Variants in PNPLA7 observed in about 807,000 individuals in gnomAD.
The protein encoded by PNPLA7 is patatin-like phospholipase domain-containing protein 7.
Under a neutral mutation model 161.7 loss-of-function variants are expected in PNPLA7, and 153 were observed. The ratio of observed to expected loss-of-function variants is 0.95; its 90% CI spans 0.83 to 1.08. The LOEUF (loss-of-function observed/expected upper bound fraction) is 1.08. Ranked by LOEUF, PNPLA7 falls within the 50% of genes least tolerant of loss-of-function variation. PNPLA7 has a pLI of 0.00. For missense variants in PNPLA7, 1,739 were observed against 1,856.6 expected, an observed-to-expected ratio of 0.94 and a Z score of 1.16; for synonymous variants, 809 against 782.1, an observed-to-expected ratio of 1.03 and a Z score of -0.57.
chr9:137,469,500 C>T (rs962344277), intron 25 of PNPLA7, among the ~76,000 whole-genome samples: 1 of 152,122 alleles, frequency 6.6e-6, no homozygotes, highest in African/African-American at 2.4e-5. Context: ...TTGTCAAAAA[C>T]CCAAGGAAAG....
At position 137,515,388 on chromosome 9, in the gene PNPLA7, C is replaced by T. The variant is rs747043636; in HGVS notation, c.1216G>A (p.Ala406Thr). The T allele has an allele frequency of 3.1e-6, 5 of 1,603,750 alleles. No homozygotes were observed. In the South Asian group the frequency reaches 5.6e-5, roughly 18 times the overall value. The change falls in exon 12 of 35, where the codon GCC (alanine) becomes ACC (threonine). Residue 406 changes from alanine (A) to threonine (T), a missense_variant. Ala to Thr is a moderately conservative substitution (Grantham distance 58). Transcript: ENST00000406427. ...CGTCGAGGTTCTTTACCTTGTGGGG[C>T]CGAAGGGTCAGGGTCACCTGCCCCG... ...KPGAGDPDPS[A>T]PQGGPGSATS...
At position 137,497,215 on chromosome 9, in the gene PNPLA7, TC is replaced by T; in HGVS notation, c.1984del (p.Glu662SerfsTer14). On this transcript the variant is annotated frameshift_variant, in exon 18 of 35. Transcript: ENST00000406427. LOFTEE classifies it high-confidence loss of function. ...KDDGKKRLAG[E>X]YGRGDLVGVV... is the part of the protein sequence containing the mutation. The stretch of plus-strand genomic sequence containing the variant: ...GCCGACGAGGTCTCCTCGGCCGTAC[TC>T]CCCGGCCAGGCGCTTCTTCCCATCA... The T allele has an allele frequency of 1.3e-6, 2 of 1,587,314 alleles. No homozygotes were observed. The highest frequency in any genetic ancestry group is 1.8e-5 in the Admixed American group (1 of 56,934).
intron 14 of PNPLA7, among the ~76,000 whole-genome samples, chr9:137,504,487 C>T (rs985707652): frequency 6.6e-6 from 1 of 152,212 alleles, no homozygotes; most frequent in Non-Finnish European, 1.5e-5. Context: ...GCTAGGATTA[C>T]AGGCATGAGC....
intron 17 of PNPLA7, among the ~76,000 whole-genome samples, chr9:137,497,558 C>T (rs968474132): frequency 5.9e-5 from 9 of 152,354 alleles, no homozygotes; most frequent in South Asian, 2.1e-4. Context: ...GACGGAGTCT[C>T]GCTCTGTCGC....
At position 137,476,923 on chromosome 9, in the gene PNPLA7, C is replaced by T. The variant is rs1333758158; in HGVS notation, c.2882+1111G>A. On this transcript the variant is annotated intron_variant, in intron 25 of 34. Coordinates refer to ENST00000406427, the MANE Select transcript of PNPLA7 (RefSeq NM_001098537.3). The surrounding 1 kb of genome is among the most constrained non-coding windows in gnomAD (Gnocchi z 4.5). The stretch of plus-strand genomic sequence containing the variant: ...GAAGGATGCAGTGGGCACCTCATCA[C>T]CTAGAACAGCCCCAGGCTGACAGGG... Among the ~76,000 whole-genome samples, 2 of 152,236 alleles carry T rather than the reference C, an allele frequency of 1.3e-5. No homozygotes were observed. The highest frequency in any genetic ancestry group is 2.9e-5 in the Non-Finnish European group (2 of 68,046).
rs777465214 is a variant in PNPLA7, at chr9:137,543,410, C to T, written c.506+22G>A. ...GGGCTATGGGAGCTGCCGCAGCCCC[C>T]GGGGCTCATCCCCGCTCTTACCGAA... On this transcript the variant is annotated intron_variant, in intron 6 of 34. Transcript: ENST00000406427. The surrounding 1 kb of genome is among the most constrained non-coding windows in gnomAD (Gnocchi z 6.9). The T allele has an allele frequency of 1.5e-5, 24 of 1,613,628 alleles. 2 individuals carry two copies. In the South Asian group the frequency reaches 1.8e-4, roughly 12 times the overall value.
chr9:137,492,954 GGGGCTCCAGGACTGGGTGA>G, intron 20 of PNPLA7, 40 bp downstream of exon 20: 2 of 1,519,546 alleles, frequency 1.3e-6, no homozygotes, highest in Non-Finnish European at 1.8e-6. Flanking sequence ...CTGGGTGGGC[GGGGCTCCAGGACTGGGTGA>G]GGGCTCCCAG....
Position 137,497,289 on chromosome 9 carries a change from G to T in PNPLA7, c.1911C>A (p.Cys637Ter). Residue 637 changes from cysteine to a stop codon, truncating the protein, a stop_gained, in exon 18 of 35, where the codon TGC (cysteine) becomes TGA (stop). Transcript: ENST00000406427. LOFTEE classifies it high-confidence loss of function. ...GCCGGCCGCTGAGCATGATGTACGT[G>T]CAGTCGGACTTGTCCCCCTGCCTGC... ...AIYRQGDKSD[C>*]TYIMLSGRLR... 6.3e-7 allele frequency: 1 copy of T among 1,579,722 alleles called. No homozygotes were observed. The highest frequency in any genetic ancestry group is 1.8e-5 in the Admixed American group (1 of 56,006).
chr9:137,481,681 G>A (rs934558375), intron 21 of PNPLA7, among the ~76,000 whole-genome samples: 3 of 152,194 alleles, frequency 2.0e-5, no homozygotes, highest in South Asian at 2.1e-4. Context: ...GCTAGAGATC[G>A]GCTGGGCGCG....
In PNPLA7 at chr9:137,462,058, G is replaced by A. The variant is rs905096214; in HGVS notation, c.3646-17C>T. The A allele has an allele frequency of 1.9e-6, 3 of 1,561,478 alleles. No individual in the cohort carries two copies. The highest frequency in any genetic ancestry group is 1.7e-6 in the Non-Finnish European group (2 of 1,152,442). On this transcript the variant is annotated splice_polypyrimidine_tract_variant and intron_variant, in intron 31 of 34. Coordinates refer to ENST00000406427, the MANE Select transcript of PNPLA7 (RefSeq NM_001098537.3). The stretch of plus-strand genomic sequence containing the variant: ...GCCCACTTCCTGTGCACACCCCCAG[G>A]GCCCCGTCAGGAGGTGTGGGGAGCC...
In PNPLA7 at chr9:137,467,981, A is replaced by G. The variant is rs534270269; in HGVS notation, c.2883-508T>C. On this transcript the variant is annotated intron_variant, in intron 25 of 34. Transcript: ENST00000406427. The surrounding 1 kb of genome is among the most constrained non-coding windows in gnomAD (Gnocchi z 5.1). The stretch of plus-strand genomic sequence containing the variant: ...GAGGGACTGTGAGGCTGGGATGGGG[A>G]GGAAGGTGTCCTGAGAGTTGACCGG... 1.3e-5 allele frequency among the ~76,000 whole-genome samples: 2 copies of G among 152,102 alleles called. No individual in the cohort carries two copies. Among genetic ancestry groups the G allele is most frequent in the South Asian group, 4.2e-4 (2 of 4,804 alleles).
chr9:137,497,276 GCATGATGTACGTGCAGTCGGACTTGT>G lies in PNPLA7; in HGVS notation c.1898_1923del (p.Asp633AlafsTer13), dbSNP rs748511172. ...ATCACAGAGCGCAGCCGGCCGCTGA[GCATGATGTACGTGCAGTCGGACTTGT>G]CCCCCTGCCTGCGGAAGACACAGAG... On this transcript the variant is annotated frameshift_variant, in exon 18 of 35. Coordinates refer to ENST00000406427, the MANE Select transcript of PNPLA7 (RefSeq NM_001098537.3). LOFTEE classifies it high-confidence loss of function. 1.9e-6 allele frequency: 3 copies of G among 1,588,392 alleles called. No homozygotes were observed. The South Asian group carries it at 3.4e-5, about 18-fold the overall frequency.
At chr9:137,503,845 GAA>G (rs1833702151) in intron 14 of PNPLA7, among the ~76,000 whole-genome samples, 1 of 61,258 alleles carries the variant, frequency 1.6e-5, no homozygotes. Flanking sequence ...GCAAGAAGAA[GAA>G]GGAAGAAGAA....
chr9:137,525,149 G>A (rs1835235468), intron 8 of PNPLA7, among the ~76,000 whole-genome samples: 1 of 152,224 alleles, frequency 6.6e-6, no homozygotes, highest in South Asian at 2.1e-4. Flanking sequence ...CCACCTGCGG[G>A]GAGGGGAGGA....
intron 4 of PNPLA7, among the ~76,000 whole-genome samples, chr9:137,544,937 C>T (rs765645476): frequency 2.7e-4 from 41 of 152,254 alleles, no homozygotes; most frequent in African/African-American, 7.9e-4. Context: ...CGTGAGCCAC[C>T]GTGCCCGGCC....
chr9:137,527,008 C>T (rs1429344953), intron 8 of PNPLA7, among the ~76,000 whole-genome samples: 1 of 152,090 alleles, frequency 6.6e-6, no homozygotes, highest in Non-Finnish European at 1.5e-5. Flanking sequence ...GTGGCTCATG[C>T]CTGTGGTCCC....
At position 137,467,627 on chromosome 9, in the gene PNPLA7, C is replaced by T. The variant is rs748624182; in HGVS notation, c.2883-154G>A. Among the ~76,000 whole-genome samples the T allele has an allele frequency of 2.6e-5, 4 of 152,234 alleles. No homozygotes were observed. Among genetic ancestry groups the T allele is most frequent in the East Asian group, 1.9e-4 (1 of 5,196 alleles). On this transcript the variant is annotated intron_variant, in intron 25 of 34. Transcript: ENST00000406427. The surrounding 1 kb of genome is among the most constrained non-coding windows in gnomAD (Gnocchi z 5.1). ...AGATGCAGTTTAAAACCCCTCTTTC[C>T]GGGCTCACGCCTGTCATCTCAGCAC...
chr9:137,534,542 G>A (rs889670588), intron 8 of PNPLA7, among the ~76,000 whole-genome samples: 9 of 152,074 alleles, frequency 5.9e-5, no homozygotes, highest in Admixed American at 2.6e-4. Context: ...CAGAACATAC[G>A]CAGATTCCTT....
Position 137,547,709 on chromosome 9 carries a change from C to T in PNPLA7, c.31-50G>A, listed in dbSNP as rs747351627. 17 of 1,564,444 alleles carry T rather than the reference C, an allele frequency of 1.1e-5. No homozygotes were observed. The highest frequency in any genetic ancestry group is 4.1e-5 in the African/African-American group (3 of 73,970). ...GTGGGCATGGACAGGCTTCCCAGCC[C>T]GAACTTGTTCAGAGCAGCAGGAGGA... On this transcript the variant is annotated intron_variant, in intron 1 of 34. Coordinates refer to ENST00000406427, the MANE Select transcript of PNPLA7 (RefSeq NM_001098537.3). The surrounding 1 kb of genome is among the most constrained non-coding windows in gnomAD (Gnocchi z 4.6).
Sources: gnomAD v4.1 joint callset for allele counts (sites outside exome capture counted in the v4.1 genomes callset) on GRCh38, gnomAD v4.1.1 for gene constraint, Gnocchi (gnomAD v3.1) non-coding constraint, MANE v1.5 for transcripts, NCBI Gene and HGNC (gene_info 2026-07-23, HGNC 2026-07-21) for gene names.